Variants in SH3BP1 observed in about 807,000 individuals in gnomAD.
SH3BP1 encodes SH3 domain-binding protein 1.
In SH3BP1, 46 loss-of-function variants were observed where a neutral mutation model predicts 69.8. That is an observed-to-expected ratio of 0.66 (90% CI 0.52 to 0.84). SH3BP1 has a LOEUF of 0.84. Among genes scored for constraint, SH3BP1 ranks in the 40% least tolerant of loss-of-function variants. The pLI, the probability that SH3BP1 is intolerant of heterozygous loss-of-function variation, is 0.00. For synonymous variants in SH3BP1, 403 were observed against 378.0 expected, an observed-to-expected ratio of 1.07 and a Z score of -0.77; for missense variants, 868 against 930.9, an observed-to-expected ratio of 0.93 and a Z score of 0.88.
chr22:37,650,058 G>T (rs1932848362), intron 14 of SH3BP1, 94 bp from the exon 15 acceptor site: 2 of 1,350,222 alleles, frequency 1.5e-6, no homozygotes, highest in African/African-American at 2.9e-5. Flanking sequence ...GACTCAATAT[G>T]ATGGATCCTT....
chr22:37,641,553 G>A lies in SH3BP1; in HGVS notation c.207+75G>A. Reference sequence around the variant, plus strand: ...CAATGGGGAAGCAAGGTCGGGGCTGGGGTTTCCTTGCCAGTCTGAGTGTCT... The same window carrying A: ...CAATGGGGAAGCAAGGTCGGGGCTGAGGTTTCCTTGCCAGTCTGAGTGTCT... On this transcript the variant is annotated intron_variant, in intron 3 of 17. Transcript: ENST00000649765. The A allele has an allele frequency of 2.3e-6, 3 of 1,278,760 alleles. No homozygotes were observed. The South Asian group carries it at 4.3e-5, about 18-fold the overall frequency. The allele number at this position is 1,278,760 out of a possible 1,614,324, so 79.2% of individuals were successfully genotyped here.
intron 1 of SH3BP1, 121 bp from the exon 2 acceptor site, chr22:37,641,005 G>A: frequency 1.4e-6 from 1 of 727,084 alleles, no homozygotes; most frequent in East Asian, 2.7e-5. Flanking sequence ...CCTCAGCTGG[G>A]AGGGACAGTG....
chr22:37,653,439 A>G (rs1569011810), intron 16 of SH3BP1, among the ~76,000 whole-genome samples: 1 of 151,908 alleles, frequency 6.6e-6, no homozygotes, highest in Non-Finnish European at 1.5e-5. Context: ...CCATCTCAAG[A>G]AAAAAAACCA....
intron 14 of SH3BP1, 80 bp from the exon 15 acceptor site, chr22:37,650,072 T>C (rs371105100): frequency 4.1e-5 from 59 of 1,449,148 alleles, no homozygotes; most frequent in Non-Finnish European, 5.4e-5. Flanking sequence ...GATCCTTGTG[T>C]CTCCATTGCC....
intron 11 of SH3BP1, 35 bp from the exon 12 acceptor site, chr22:37,647,232 G>A (rs754880476): frequency 1.9e-6 from 3 of 1,587,272 alleles, no homozygotes; most frequent in Non-Finnish European, 2.6e-6. Context: ...AGCGGGTGGG[G>A]GCTGCCTCTG....
intron 16 of SH3BP1, 149 bp downstream of exon 16, chr22:37,650,874 G>A: frequency 9.2e-7 from 1 of 1,089,744 alleles, no homozygotes; most frequent in South Asian, 1.7e-5. Context: ...TTTGGAGAGG[G>A]TGGGGCAGAG....
intron 3 of SH3BP1, chr22:37,641,776 A>G: frequency 2.8e-6 from 1 of 359,990 alleles, no homozygotes; most frequent in Non-Finnish European, 5.1e-6. Flanking sequence ...GCGGCCTCAG[A>G]GGGTTTCCTG....
intron 6 of SH3BP1, 66 bp downstream of exon 6, chr22:37,643,240 T>C (rs1401934436): frequency 1.4e-6 from 2 of 1,402,618 alleles, no homozygotes; most frequent in East Asian, 2.4e-5. Flanking sequence ...CATAGAGCTT[T>C]GAGGCCCTGG....
chr22:37,653,814 C>A lies in SH3BP1; in HGVS notation c.1634C>A (p.Pro545His). The change falls in exon 17 of 18, where the codon CCC becomes CAC. Residue 545 changes from proline (P) to histidine (H), a missense_variant. Physicochemically the swap from Pro to His is moderately conservative, Grantham distance 77. Coordinates refer to ENST00000649765, the MANE Select transcript of SH3BP1 (RefSeq NM_018957.6). ...GAGGTGCCTCCCAGACCAGCCTCCC[C>A]CAAGGTCACCAGGAGTCCCCCGGAG... ...ESEVPPRPASPKVTRSPPETA... is the reference protein window; with the variant it reads ...ESEVPPRPASHKVTRSPPETA... 3 of 1,613,896 alleles carry A rather than the reference C, an allele frequency of 1.9e-6. No individual in the cohort carries two copies. Among genetic ancestry groups the A allele is most frequent in the South Asian group, 1.1e-5 (1 of 91,030 alleles).
intron 16 of SH3BP1, among the ~76,000 whole-genome samples, chr22:37,653,482 C>CG (rs2146075372): frequency 6.6e-6 from 1 of 152,224 alleles, no homozygotes; most frequent in South Asian, 2.1e-4. Flanking sequence ...AGAGGTCAGG[C>CG]CCTATGTCCC....
chr22:37,639,925 G>T, intron 1 of SH3BP1, 79 bp downstream of exon 1: 1 of 1,064,034 alleles, frequency 9.4e-7, no homozygotes, highest in Non-Finnish European at 1.3e-6. Flanking sequence ...GGAGACGGGG[G>T]TGGGGGAGGC....
intron 10 of SH3BP1, 75 bp downstream of exon 10, chr22:37,645,585 T>C: frequency 6.6e-7 from 1 of 1,505,796 alleles, no homozygotes; most frequent in Non-Finnish European, 9.0e-7. Context: ...CTTGCTGCCC[T>C]TTCCGGGTGC....
At chr22:37,652,119 G>A (rs1932891957) in intron 16 of SH3BP1, among the ~76,000 whole-genome samples, 1 of 151,372 alleles carries the variant, frequency 6.6e-6, no homozygotes, top group Non-Finnish European at 1.5e-5. Context: ...GACCATCCTG[G>A]CTAACACGGT....
Position 37,646,819 on chromosome 22 carries a change from G to A in SH3BP1, c.926G>A (p.Gly309Asp). 6.6e-7 allele frequency: 1 copy of A among 1,526,392 alleles called. No individual in the cohort carries two copies. The highest frequency in any genetic ancestry group is 8.8e-7 in the Non-Finnish European group (1 of 1,139,266). 94.6% of individuals were successfully genotyped at this position (1,526,392 alleles called of 1,614,324 possible). A position where few individuals can be genotyped will look rare whatever the true frequency, so the allele number is the denominator to read the frequency against. Residue 309 changes from glycine to aspartate, a missense_variant and splice_region_variant, in exon 11 of 18, where the codon GGT becomes GAT. Gly to Asp is a moderately conservative substitution (Grantham distance 94). This residue lies in a region of SH3BP1 where 387 missense variants were observed against 447.9 expected (regional missense o/e 0.86). Coordinates refer to ENST00000649765, the MANE Select transcript of SH3BP1 (RefSeq NM_018957.6). ...TTGCCTGCCTCCTCTCGAACCCAGG[G>A]TCTCTTCCGTCTGGCTGCTGGGGCC... Reference protein sequence around the residue: ...MLLSEGMKEEGLFRLAAGASV... With the variant: ...MLLSEGMKEEDLFRLAAGASV...
intron 6 of SH3BP1, chr22:37,643,398 A>T (rs1569006080): frequency 1.5e-6 from 1 of 660,462 alleles, no homozygotes; most frequent in Admixed American, 2.8e-5. Flanking sequence ...AAAGCCTGGG[A>T]TCCTGTAAAC....
At chr22:37,653,279 C>CA (rs1273639732) in intron 16 of SH3BP1, among the ~76,000 whole-genome samples, 3 of 151,676 alleles carry the variant, frequency 2.0e-5, no homozygotes, top group South Asian at 2.1e-4. Context: ...AAAAAAACAA[C>CA]AACAAAAAAA....
intron 9 of SH3BP1, 149 bp downstream of exon 9, chr22:37,645,109 G>T: frequency 1.2e-6 from 1 of 863,158 alleles, no homozygotes; most frequent in Admixed American, 2.2e-5. Flanking sequence ...GGCAGCTCTG[G>T]CTACTGTGTG....
chr22:37,650,951 C>T (rs1030482670), intron 16 of SH3BP1, among the ~76,000 whole-genome samples: 1 of 152,214 alleles, frequency 6.6e-6, no homozygotes, highest in Non-Finnish European at 1.5e-5. Context: ...ATTTCCTGAG[C>T]ACCTACTATA....
rs11329854 is a variant in SH3BP1 at position 37,645,960 on chromosome 22, C to CTTT, written c.924+470_924+472dup. On this transcript the variant is annotated intron_variant, in intron 10 of 17. Transcript: ENST00000649765. Reference sequence around the variant, plus strand: ...GCTGGGGCCTCCTTTCTCCCTTACACTTTTTTTTTTTTTTTTTTTTTTGAG... The same window carrying CTTT: ...GCTGGGGCCTCCTTTCTCCCTTACACTTTTTTTTTTTTTTTTTTTTTTTTTGAG... 2.5e-3 allele frequency among the ~76,000 whole-genome samples: 317 copies of CTTT among 126,242 alleles called. 10 individuals carry two copies. Among genetic ancestry groups the CTTT allele is most frequent in the African/African-American group, 0.01 (301 of 29,076 alleles). The allele number at this position is 126,242 out of a possible 152,430, so 82.8% of individuals were successfully genotyped here. A position where few individuals can be genotyped will look rare whatever the true frequency, so the allele number is the denominator to read the frequency against.
Sources: allele counts gnomAD v4.1 joint callset (sites outside exome capture counted in the v4.1 genomes callset), GRCh38; gene constraint gnomAD v4.1.1; regional missense constraint gnomAD v4.1.1; transcripts MANE v1.5; gene names NCBI Gene and HGNC (gene_info 2026-07-23, HGNC 2026-07-21).